SP140L: variants seen among roughly 807,000 people sequenced by gnomAD.
SP140L encodes nuclear body protein SP140-like protein.
Under a neutral mutation model 84.3 loss-of-function variants are expected in SP140L, and 64 were observed. That is an observed-to-expected ratio of 0.76 (90% CI 0.62 to 0.94). The LOEUF (loss-of-function observed/expected upper bound fraction) is 0.94, where lower values mean the gene tolerates loss of function less well. SP140L is among the 40% of genes least tolerant of loss of function. The pLI is 0.00. For synonymous variants in SP140L, 242 were observed against 236.9 expected, an observed-to-expected ratio of 1.02 and a Z score of -0.20; for missense variants, 628 against 692.5, an observed-to-expected ratio of 0.91 and a Z score of 1.05.
At chr2:230,366,526 T>C (rs1047600686) in intron 5 of SP140L, among the ~76,000 whole-genome samples, 73 of 151,934 alleles carry the variant, frequency 4.8e-4, no homozygotes, top group African/African-American at 1.7e-3. Context: ...GTGAAGTGAG[T>C]GTCTTGTAGG....
intron 2 of SP140L, among the ~76,000 whole-genome samples, chr2:230,342,364 G>T (rs139647804): frequency 6.6e-6 from 1 of 152,168 alleles, no homozygotes; most frequent in Non-Finnish European, 1.5e-5. Context: ...CGCACGGTGC[G>T]TGCACCCACT....
At chr2:230,400,388 GC>G (rs1257337968) in intron 15 of SP140L, 146 bp downstream of exon 15, 3 of 746,348 alleles carry the variant, frequency 4.0e-6, no homozygotes, top group African/African-American at 3.5e-5. Context: ...GATCCAGAGA[GC>G]AGTGGGAGAC....
intron 2 of SP140L, among the ~76,000 whole-genome samples, chr2:230,344,277 CTT>C (rs1444387124): frequency 2.0e-5 from 3 of 152,138 alleles, no homozygotes; most frequent in Non-Finnish European, 2.9e-5. Context: ...GTAATGTTCT[CTT>C]TGTCTTTTTA....
chr2:230,378,910 T>G (rs908661957), intron 7 of SP140L, among the ~76,000 whole-genome samples: 6 of 152,228 alleles, frequency 3.9e-5, no homozygotes, highest in Non-Finnish European at 7.3e-5. Flanking sequence ...TATTTGCCAA[T>G]TCCTCCTTAT....
chr2:230,396,416 G>A (rs1187263050), intron 13 of SP140L, among the ~76,000 whole-genome samples: 2 of 152,268 alleles, frequency 1.3e-5, no homozygotes, highest in African/African-American at 2.4e-5. Flanking sequence ...GGTTCAGAGA[G>A]CTATGCTGTA....
chr2:230,382,289 C>T (rs2061436026), intron 7 of SP140L, among the ~76,000 whole-genome samples: 1 of 151,922 alleles, frequency 6.6e-6, no homozygotes, highest in African/African-American at 2.4e-5. Flanking sequence ...GAGGCTGACT[C>T]AGCATTCTCA....
intron 4 of SP140L, among the ~76,000 whole-genome samples, chr2:230,359,458 A>G (rs1350849966): frequency 1.3e-5 from 2 of 152,178 alleles, no homozygotes; most frequent in Admixed American, 1.3e-4. Context: ...TTTTGCAGTG[A>G]CCTACACAGC....
At chr2:230,371,492 C>T in intron 6 of SP140L, 106 bp from the exon 7 acceptor site, 1 of 1,057,196 alleles carries the variant, frequency 9.5e-7, no homozygotes, top group South Asian at 1.5e-5. Flanking sequence ...AAATGAGTAA[C>T]CAAACATCTT....
intron 7 of SP140L, chr2:230,372,576 T>G (rs1272418527): frequency 1.3e-5 from 2 of 151,716 alleles, no homozygotes; most frequent in Non-Finnish European, 2.9e-5. Flanking sequence ...ATACAAAAAA[T>G]TAGCCGGGCG....
chr2:230,355,801 TA>T (rs1204993982), intron 2 of SP140L, among the ~76,000 whole-genome samples: 1 of 152,062 alleles, frequency 6.6e-6, no homozygotes, highest in Non-Finnish European at 1.5e-5. Context: ...TCATTAATTA[TA>T]AAAGAAAAAA....
chr2:230,366,937 T>C (rs111246461), intron 5 of SP140L, among the ~76,000 whole-genome samples: 1,721 of 152,100 alleles, frequency 0.011, 47 homozygotes, highest in African/African-American at 0.04. Context: ...TTCACCATGT[T>C]ACCCAGGCTG....
At chr2:230,368,555 C>G (rs2060957948) in intron 5 of SP140L, among the ~76,000 whole-genome samples, 2 of 152,102 alleles carry the variant, frequency 1.3e-5, no homozygotes, top group African/African-American at 4.8e-5. Flanking sequence ...ATCCCTTTGT[C>G]TTTCTCTTCT....
chr2:230,397,711 G>A (rs1363932228), intron 14 of SP140L, among the ~76,000 whole-genome samples: 3 of 152,154 alleles, frequency 2.0e-5, no homozygotes, highest in African/African-American at 2.4e-5. Flanking sequence ...GTTAGCAGAG[G>A]AGGGATGCTC....
chr2:230,347,205 A>C (rs2060233863), intron 2 of SP140L, among the ~76,000 whole-genome samples: 1 of 151,130 alleles, frequency 6.6e-6, no homozygotes, highest in Non-Finnish European at 1.5e-5. Flanking sequence ...TTTTGGTTGG[A>C]CTCTTTGGTT....
At chr2:230,392,711 C>G (rs560334468) in intron 12 of SP140L, among the ~76,000 whole-genome samples, 10 of 141,394 alleles carry the variant, frequency 7.1e-5, no homozygotes, top group South Asian at 2.2e-4. Context: ...CTAAGTAATT[C>G]AAATCTGTAA....
chr2:230,393,552 C>T (rs2061917071), intron 13 of SP140L, 91 bp downstream of exon 13: 1 of 1,388,138 alleles, frequency 7.2e-7, no homozygotes, highest in African/African-American at 1.5e-5. Flanking sequence ...AATTGGGTAA[C>T]TATAATTAAG....
chr2:230,402,673 T>G (rs1007262642), intron 18 of SP140L, 125 bp from the exon 19 acceptor site: 2 of 717,954 alleles, frequency 2.8e-6, no homozygotes, highest in Admixed American at 3.1e-5. Context: ...ATACATACCA[T>G]TATAAATTGT....
intron 5 of SP140L, among the ~76,000 whole-genome samples, chr2:230,363,006 G>A (rs914058239): frequency 4.6e-5 from 7 of 152,086 alleles, no homozygotes; most frequent in Non-Finnish European, 1.0e-4. Context: ...TGGTGTAAAC[G>A]CACATAAGGA....
Position 230,354,885 on chromosome 2 carries a change from G to GAAAGAAAGAAAGAAAGA in SP140L, c.108-2908_108-2907insAAAGAAAAGAAAGAAAG, listed in dbSNP as rs1247953230. On this transcript the variant is annotated intron_variant, in intron 2 of 18. Transcript: ENST00000415673. The stretch of plus-strand genomic sequence containing the variant: ...AGAAAGAAAGAAAGAAAGAAAGAAA[G>GAAAGAAAGAAAGAAAGA]AAAGAAAGAAAGGAAAGAGAAAGAA... 3.6e-4 allele frequency among the ~76,000 whole-genome samples: 45 copies of GAAAGAAAGAAAGAAAGA among 124,484 alleles called. 1 individual carries two copies. The East Asian group carries it at 9.0e-3, about 25-fold the overall frequency. 81.7% of individuals were successfully genotyped at this position (124,484 alleles called of 152,430 possible).
Sources: allele counts gnomAD v4.1 joint callset (sites outside exome capture counted in the v4.1 genomes callset), GRCh38; gene constraint gnomAD v4.1.1; transcripts MANE v1.5; gene names NCBI Gene and HGNC (gene_info 2026-07-23, HGNC 2026-07-21).